Variants in RERE observed in about 807,000 individuals in gnomAD.
RERE encodes arginine-glutamic acid dipeptide repeats.
A neutral mutation model predicts 146.1 loss-of-function variants in RERE; 40 were observed. The observed-to-expected ratio is 0.27, with a 90% CI of 0.21 to 0.36. The LOEUF (loss-of-function observed/expected upper bound fraction) is 0.36, where lower values mean the gene tolerates loss of function less well. RERE is among the 10% of genes least tolerant of loss of function. RERE has a pLI of 1.00. For synonymous variants in RERE, 1,003 were observed against 866.0 expected, an observed-to-expected ratio of 1.16 and a Z score of -2.78; for missense variants, 1,933 against 2,138.7, an observed-to-expected ratio of 0.90 and a Z score of 1.90.
chr1:8,500,301 C>T (rs1391025697), intron 8 of RERE, among the ~76,000 whole-genome samples: 3 of 152,118 alleles, frequency 2.0e-5, no homozygotes, highest in Non-Finnish European at 4.4e-5. Context: ...GACCAACCTC[C>T]CCCCCATTCT....
intron 1 of RERE, among the ~76,000 whole-genome samples, chr1:8,711,299 C>T (rs867627406): frequency 6.6e-6 from 1 of 151,922 alleles, no homozygotes; most frequent in Non-Finnish European, 1.5e-5. Context: ...ACTAGGCTCC[C>T]GGGGGCATCA....
chr1:8,798,945 G>A (rs548944334), intron 1 of RERE, among the ~76,000 whole-genome samples: 3 of 151,976 alleles, frequency 2.0e-5, no homozygotes, highest in Non-Finnish European at 4.4e-5. Flanking sequence ...ACCCGCCTCA[G>A]CCTCCCACAG....
intron 6 of RERE, 66 bp from the exon 7 acceptor site, chr1:8,541,384 G>A: frequency 3.2e-6 from 3 of 949,280 alleles, no homozygotes; most frequent in Admixed American, 1.9e-5. Context: ...AAACTGGAGG[G>A]GGAAGGGTGG....
Position 8,360,214 on chromosome 1 carries a change from A to G in RERE, c.3293T>C (p.Leu1098Pro). Reference protein sequence around the residue: ...LPTVQIKEEALDDAEEPESPP... With the variant: ...LPTVQIKEEAPDDAEEPESPP... ...GCTCTCAGGCTCCTCAGCGTCGTCC[A>G]GAGCCTCCTCCTTGATCTGGACGGT... is the stretch of plus-strand genomic sequence containing the variant. Residue 1098 changes from leucine to proline, a missense_variant, in exon 18 of 23, where the codon CTG becomes CCG. By Grantham distance (98) the Leu-to-Pro change is moderately conservative. Transcript: ENST00000400908. 6.3e-7 allele frequency: 1 copy of G among 1,591,454 alleles called. No individual in the cohort carries two copies. The highest frequency in any genetic ancestry group is 2.3e-5 in the East Asian group (1 of 44,008).
chr1:8,644,696 A>G (rs1334151192), intron 2 of RERE, among the ~76,000 whole-genome samples: 1 of 152,130 alleles, frequency 6.6e-6, no homozygotes, highest in African/African-American at 2.4e-5. Flanking sequence ...CTTATGGACT[A>G]TGTTGCCCAG....
chr1:8,560,147 T>G (rs1646060924), intron 4 of RERE, among the ~76,000 whole-genome samples: 1 of 152,148 alleles, frequency 6.6e-6, no homozygotes, highest in African/African-American at 2.4e-5. Context: ...TGGGGATGCA[T>G]TCAGTTAAAA....
rs78292893 is a variant in RERE, at chr1:8,549,170, G to T, written c.725+7305C>A. On this transcript the variant is annotated intron_variant, in intron 6 of 22. Coordinates refer to ENST00000400908, the MANE Select transcript of RERE (RefSeq NM_001042681.2). The stretch of plus-strand genomic sequence containing the variant: ...CACACATGCCTAATACCCAGATCTT[G>T]GTTTCTAAACACTGCTCTCCACTAA... Among the ~76,000 whole-genome samples, 82 of 152,162 alleles carry T rather than the reference G, an allele frequency of 5.4e-4. 1 individual carries two copies. In the East Asian group the frequency reaches 0.014, roughly 25 times the overall value.
At position 8,359,911 on chromosome 1, in the gene RERE, G is replaced by A. The variant is rs1322935608; in HGVS notation, c.3471C>T (p.Ser1157=). The change falls in exon 19 of 23, where the codon TCC becomes TCT. Residue 1157 remains serine (S), a synonymous_variant. Transcript: ENST00000400908. The stretch of plus-strand genomic sequence containing the variant: ...CCTCCTCCCTCTTCTTGGCCAGCTT[G>A]GACCCGGCCAGAGGCATGAAGTACA... ...TDLYFMPLAG[S]KLAKKREEAI... 1.8e-5 allele frequency: 29 copies of A among 1,613,222 alleles called. No homozygotes were observed. The highest frequency in any genetic ancestry group is 2.3e-5 in the Non-Finnish European group (27 of 1,180,036).
chr1:8,605,485 G>T (rs1460768627), intron 4 of RERE, among the ~76,000 whole-genome samples: 1 of 151,906 alleles, frequency 6.6e-6, no homozygotes, highest in African/African-American at 2.4e-5. Context: ...GCTCACCCCT[G>T]TAATCCCAGG....
At chr1:8,780,665 A>T (rs1325352463) in intron 1 of RERE, among the ~76,000 whole-genome samples, 1 of 152,184 alleles carries the variant, frequency 6.6e-6, no homozygotes, top group Non-Finnish European at 1.5e-5. Context: ...TCAGCCAACA[A>T]CTATCACACA....
chr1:8,359,982 A>G lies in RERE; in HGVS notation c.3400T>C (p.Tyr1134His). The change falls in exon 19 of 23, where the codon TAC becomes CAC. Residue 1134 changes from tyrosine to histidine, a missense_variant. This residue lies in a region of RERE where 1,255 missense variants were observed against 1,153.8 expected (regional missense o/e 1.09). Coordinates refer to ENST00000400908, the MANE Select transcript of RERE (RefSeq NM_001042681.2). ...PSHASQSARF[Y>H]KHLDRGYNSC... ...TTGTAGCCCCGGTCCAGGTGTTTGT[A>G]GAACCTGAGAAAAGCCACAGATCTT... 6.2e-7 allele frequency: 1 copy of G among 1,612,364 alleles called. No homozygotes were observed. The highest frequency in any genetic ancestry group is 8.5e-7 in the Non-Finnish European group (1 of 1,179,724).
chr1:8,355,287 T>A, intron 22 of RERE, 132 bp downstream of exon 22: 2 of 1,167,342 alleles, frequency 1.7e-6, no homozygotes, highest in Non-Finnish European at 2.5e-6. Flanking sequence ...GTTTCTCCCA[T>A]CACCATGGTT....
At chr1:8,760,647 G>A (rs534758041) in intron 1 of RERE, among the ~76,000 whole-genome samples, 12 of 152,036 alleles carry the variant, frequency 7.9e-5, no homozygotes, top group East Asian at 1.9e-4. Flanking sequence ...ATAGGGTCTC[G>A]CTCTGTCACC....
At chr1:8,388,615 G>A (rs1391213545) in intron 12 of RERE, among the ~76,000 whole-genome samples, 24 of 152,294 alleles carry the variant, frequency 1.6e-4, no homozygotes, top group East Asian at 1.2e-3. Context: ...CACCGCGCCC[G>A]GCCCAGTCTG....
At chr1:8,505,484 T>C (rs937195661) in intron 8 of RERE, among the ~76,000 whole-genome samples, 1 of 152,176 alleles carries the variant, frequency 6.6e-6, no homozygotes, top group Admixed American at 6.5e-5. Flanking sequence ...AGAAGGACTT[T>C]ACTGTATTAT....
rs1644527484 is a variant in RERE, at chr1:8,461,596, T to C, written c.1203+4329A>G. Reference sequence around the variant, plus strand: ...TGGCTTCAGTTCAAGATTTGAAGTGTCTCAGCCCCAAAGCAACTTCAATTA... The same window carrying C: ...TGGCTTCAGTTCAAGATTTGAAGTGCCTCAGCCCCAAAGCAACTTCAATTA... On this transcript the variant is annotated intron_variant, in intron 11 of 22. Coordinates refer to ENST00000400908, the MANE Select transcript of RERE (RefSeq NM_001042681.2). Among the ~76,000 whole-genome samples the C allele has an allele frequency of 2.6e-5, 4 of 152,158 alleles. 1 individual carries two copies. The South Asian group carries it at 8.3e-4, about 32-fold the overall frequency.
chr1:8,664,203 A>T (rs1018852944), intron 1 of RERE, among the ~76,000 whole-genome samples: 1 of 152,200 alleles, frequency 6.6e-6, no homozygotes, highest in Admixed American at 6.5e-5. Flanking sequence ...ATTATTCAGT[A>T]GCAGCTGACA....
At chr1:8,593,986 G>A (rs1290007318) in intron 4 of RERE, among the ~76,000 whole-genome samples, 4 of 152,138 alleles carry the variant, frequency 2.6e-5, no homozygotes, top group African/African-American at 9.7e-5. Context: ...CATTTTATAT[G>A]AGAACATAGA....
chr1:8,783,704 T>C (rs554382395), intron 1 of RERE, among the ~76,000 whole-genome samples: 2 of 152,310 alleles, frequency 1.3e-5, no homozygotes, highest in East Asian at 3.9e-4. Flanking sequence ...GTCACTTCTT[T>C]GCTCAAAACC....
Sources: allele counts gnomAD v4.1 joint callset (sites outside exome capture counted in the v4.1 genomes callset), GRCh38; gene constraint gnomAD v4.1.1; regional missense constraint gnomAD v4.1.1; transcripts MANE v1.5; gene names NCBI Gene and HGNC (gene_info 2026-07-23, HGNC 2026-07-21).